DCC: variants seen among roughly 807,000 people sequenced by gnomAD.
DCC encodes DCC netrin 1 receptor.
In DCC, 58 loss-of-function variants were observed where a neutral mutation model predicts 172.5. The ratio of observed to expected loss-of-function variants is 0.34; its 90% confidence interval spans 0.27 to 0.42. The LOEUF is 0.42. DCC is among the 10% of genes least tolerant of loss of function. The pLI is 1.00. For synonymous variants in DCC, 709 were observed against 644.5 expected (o/e 1.10, Z -1.52); for missense variants, 1,740 against 1,791.0 (o/e 0.97, Z 0.51).
intron 26 of DCC, among the ~76,000 whole-genome samples, chr18:53,493,162 GCA>G (rs2045978413): frequency 6.6e-6 from 1 of 152,112 alleles, no homozygotes; most frequent in Non-Finnish European, 1.5e-5. Flanking sequence ...TGTGATTTTT[GCA>G]CACTGATTTT....
intron 1 of DCC, among the ~76,000 whole-genome samples, chr18:52,561,332 A>G (rs961898571): frequency 6.6e-6 from 1 of 151,772 alleles, no homozygotes; most frequent in African/African-American, 2.4e-5. Context: ...GTGTATATAT[A>G]ATAGATATTT....
intron 18 of DCC, among the ~76,000 whole-genome samples, chr18:53,401,393 G>A (rs189420578): frequency 1.5e-3 from 225 of 152,042 alleles, no homozygotes; most frequent in East Asian, 2.5e-3. Flanking sequence ...TTAAGTGCAC[G>A]TTTGGTTAAC....
chr18:52,985,707 G>A (rs1371246266), intron 5 of DCC, among the ~76,000 whole-genome samples: 1 of 151,424 alleles, frequency 6.6e-6, no homozygotes, highest in Non-Finnish European at 1.5e-5. Context: ...ATAGATGTTG[G>A]CATCCTGGAT....
chr18:53,436,044 A>G (rs138949719), intron 22 of DCC, among the ~76,000 whole-genome samples: 279 of 152,354 alleles, frequency 1.8e-3, no homozygotes, highest in African/African-American at 6.4e-3. Flanking sequence ...AGGTTAAGAT[A>G]TGAAATATAC....
chr18:52,570,839 A>G (rs1183004298), intron 1 of DCC, among the ~76,000 whole-genome samples: 1 of 152,134 alleles, frequency 6.6e-6, no homozygotes, highest in Non-Finnish European at 1.5e-5. Context: ...TGTACTGTAC[A>G]GTTCAGGAAG....
chr18:52,594,981 ATTTG>A, intron 1 of DCC, among the ~76,000 whole-genome samples: 1 of 152,272 alleles, frequency 6.6e-6, no homozygotes, highest in South Asian at 2.1e-4. Flanking sequence ...GAGGTCTTCT[ATTTG>A]TTTGACATTT....
chr18:52,770,419 G>A (rs921695669), intron 2 of DCC, among the ~76,000 whole-genome samples: 7 of 152,126 alleles, frequency 4.6e-5, no homozygotes, highest in Admixed American at 6.5e-5. Context: ...AACTACTATC[G>A]CATACCATGC....
At chr18:53,517,443 T>TATAATAATAATAATAATA (rs71179517) in intron 27 of DCC, among the ~76,000 whole-genome samples, 1 of 142,506 alleles carries the variant, frequency 7.0e-6, no homozygotes, top group African/African-American at 2.7e-5. Context: ...AAACTTAAAA[T>TATAATAATAATAATAATA]ATAATAATAA....
chr18:53,353,842 C>T (rs1373878214), intron 15 of DCC, among the ~76,000 whole-genome samples: 1 of 152,010 alleles, frequency 6.6e-6, no homozygotes, highest in East Asian at 1.9e-4. Flanking sequence ...CATATGTATA[C>T]ATGTGCCATG....
At position 53,391,658 on chromosome 18, in the gene DCC, C is replaced by T. The variant is rs1307953724; in HGVS notation, c.2459C>T (p.Pro820Leu). Reference protein sequence around the residue: ...ESATTRSITDPTDPVDYYPLL... With the variant: ...ESATTRSITDLTDPVDYYPLL... ...TTTGGTGGGTTTTTAAACCCAGATC[C>T]CACTGACCCAGTTGATTATTATCCT... is the stretch of plus-strand genomic sequence containing the variant. The change falls in exon 17 of 29, where the codon CCC becomes CTC. Residue 820 changes from proline (P) to leucine (L), a missense_variant. By Grantham distance (98) the Pro-to-Leu change is moderately conservative. This residue lies in a region of DCC where 1,732 missense variants were observed against 1,767.4 expected (regional missense o/e 0.98). Transcript: ENST00000442544. The T allele has an allele frequency of 6.2e-7, 1 of 1,610,736 alleles. No homozygotes were observed. The highest frequency in any genetic ancestry group is 1.1e-5 in the South Asian group (1 of 91,030).
At chr18:53,179,203 A>G (rs1406513547) in intron 9 of DCC, 87 bp downstream of exon 9, 1 of 1,346,966 alleles carries the variant, frequency 7.4e-7, no homozygotes, top group Non-Finnish European at 1.0e-6. Context: ...ACCTTTGCGA[A>G]GTGACAAAAG....
At chr18:52,658,333 A>G (rs2035293883) in intron 1 of DCC, among the ~76,000 whole-genome samples, 1 of 152,240 alleles carries the variant, frequency 6.6e-6, no homozygotes, top group African/African-American at 2.4e-5. Flanking sequence ...CATCCAAATC[A>G]TAAAAGTCAT....
intron 2 of DCC, among the ~76,000 whole-genome samples, chr18:52,794,364 T>A (rs887614667): frequency 2.0e-5 from 3 of 152,110 alleles, no homozygotes; most frequent in African/African-American, 7.2e-5. Flanking sequence ...GTAGAAGTCT[T>A]TTGCATCCTT....
intron 26 of DCC, among the ~76,000 whole-genome samples, chr18:53,488,974 T>G (rs937515351): frequency 6.6e-6 from 1 of 151,608 alleles, no homozygotes; most frequent in African/African-American, 2.4e-5. Context: ...CTGGCCAACA[T>G]GGTGAAACCG....
chr18:52,804,193 C>T (rs1333633009), intron 2 of DCC, among the ~76,000 whole-genome samples: 1 of 152,166 alleles, frequency 6.6e-6, no homozygotes, highest in Non-Finnish European at 1.5e-5. Flanking sequence ...TATATCTTAC[C>T]ATGTGTCACA....
chr18:52,421,453 G>C (rs1239434656), intron 1 of DCC, among the ~76,000 whole-genome samples: 3 of 152,172 alleles, frequency 2.0e-5, no homozygotes, highest in African/African-American at 7.2e-5. Context: ...GAGAACAGCA[G>C]AGATTCCCAG....
At chr18:52,948,753 AG>A (rs1393132219) in intron 5 of DCC, among the ~76,000 whole-genome samples, 1 of 152,188 alleles carries the variant, frequency 6.6e-6, no homozygotes, top group African/African-American at 2.4e-5. Flanking sequence ...ACATTCATGA[AG>A]GGTTGTTTTA....
chr18:52,531,241 G>T (rs749169293), intron 1 of DCC, among the ~76,000 whole-genome samples: 1 of 152,164 alleles, frequency 6.6e-6, no homozygotes, highest in Non-Finnish European at 1.5e-5. Context: ...AACTTGCTCT[G>T]AGATGTGTGA....
At chr18:53,297,705 C>A (rs1048632087) in intron 12 of DCC, among the ~76,000 whole-genome samples, 1 of 152,128 alleles carries the variant, frequency 6.6e-6, no homozygotes, top group Non-Finnish European at 1.5e-5. Flanking sequence ...CAAAATAGGT[C>A]TCATATAGAA....
Sources: gnomAD v4.1 joint callset for allele counts (sites outside exome capture counted in the v4.1 genomes callset) on GRCh38, gnomAD v4.1.1 for gene constraint, gnomAD v4.1.1 regional missense constraint, MANE v1.5 for transcripts, NCBI Gene and HGNC (gene_info 2026-07-23, HGNC 2026-07-21) for gene names.